The following VAT1L variants were observed in gnomAD, a reference collection of about 807,000 sequenced individuals.
VAT1L encodes the protein vesicle amine transport 1 like, also known as putative NADPH-dependent quinone oxidoreductase VAT1L.
Under a neutral mutation model 44.1 loss-of-function variants are expected in VAT1L, and 34 were observed. That is an observed-to-expected ratio of 0.77 (90% CI 0.59 to 1.03). VAT1L has a LOEUF of 1.03. Ranked by LOEUF, VAT1L falls within the 50% of genes least tolerant of loss-of-function variation. The pLI is 0.00. For synonymous variants in VAT1L, 253 were observed against 202.2 expected, an observed-to-expected ratio of 1.25 and a Z score of -2.13; for missense variants, 615 against 538.8, an observed-to-expected ratio of 1.14 and a Z score of -1.40.
At chr16:77,860,746 G>T (rs567565470) in intron 3 of VAT1L, among the ~76,000 whole-genome samples, 1 of 152,282 alleles carries the variant, frequency 6.6e-6, no homozygotes, top group Non-Finnish European at 1.5e-5. Flanking sequence ...GAAGGCAGGA[G>T]AATTAAACAA....
intron 5 of VAT1L, among the ~76,000 whole-genome samples, chr16:77,877,946 A>T (rs1179310614): frequency 6.6e-6 from 1 of 152,204 alleles, no homozygotes; most frequent in African/African-American, 2.4e-5. Flanking sequence ...CGTTGCAAGG[A>T]TATCGGATAT....
chr16:77,853,872 G>A (rs2016831073), intron 3 of VAT1L, among the ~76,000 whole-genome samples: 1 of 152,118 alleles, frequency 6.6e-6, no homozygotes, highest in South Asian at 2.1e-4. Context: ...CGGGCGCCGT[G>A]ACTCATACCT....
chr16:77,944,111 A>G (rs2017928683), intron 7 of VAT1L, among the ~76,000 whole-genome samples: 1 of 152,114 alleles, frequency 6.6e-6, no homozygotes, highest in African/African-American at 2.4e-5. Context: ...ACAACTGGAA[A>G]AGTATGACTG....
At chr16:77,914,901 G>T (rs566950413) in intron 7 of VAT1L, among the ~76,000 whole-genome samples, 1 of 152,170 alleles carries the variant, frequency 6.6e-6, no homozygotes, top group African/African-American at 2.4e-5. Context: ...TAAGGCAGGC[G>T]GATCACCTGA....
intron 7 of VAT1L, among the ~76,000 whole-genome samples, chr16:77,951,763 G>T (rs1398739963): frequency 1.3e-5 from 2 of 151,622 alleles, no homozygotes; most frequent in African/African-American, 4.8e-5. Context: ...CGGGGTGGCT[G>T]ACAAAGTTCT....
intron 7 of VAT1L, among the ~76,000 whole-genome samples, chr16:77,937,243 C>T (rs1383344230): frequency 1.3e-5 from 2 of 152,132 alleles, no homozygotes; most frequent in Non-Finnish European, 2.9e-5. Flanking sequence ...CAGTTCCCTT[C>T]AGGTTCATCG....
chr16:77,933,875 G>T (rs1485176559), intron 7 of VAT1L, among the ~76,000 whole-genome samples: 1 of 152,232 alleles, frequency 6.6e-6, no homozygotes, highest in Non-Finnish European at 1.5e-5. Context: ...TAAGCAGATG[G>T]TGCATAATCT....
intron 3 of VAT1L, among the ~76,000 whole-genome samples, chr16:77,845,307 C>T (rs941030712): frequency 6.6e-6 from 1 of 152,170 alleles, no homozygotes; most frequent in Non-Finnish European, 1.5e-5. Flanking sequence ...AGGCGCATCC[C>T]TCAGCAGGTG....
intron 3 of VAT1L, among the ~76,000 whole-genome samples, chr16:77,837,877 C>A (rs2016656935): frequency 6.6e-6 from 1 of 152,184 alleles, no homozygotes; most frequent in African/African-American, 2.4e-5. Context: ...TGCTATTATT[C>A]CTATTATATC....
intron 7 of VAT1L, among the ~76,000 whole-genome samples, chr16:77,896,717 C>T (rs1388456733): frequency 6.6e-6 from 1 of 152,244 alleles, no homozygotes; most frequent in Non-Finnish European, 1.5e-5. Flanking sequence ...ACTTCATCTA[C>T]ACCAGGAGAC....
chr16:77,823,073 A>C (rs1383521330), intron 2 of VAT1L, among the ~76,000 whole-genome samples: 1 of 152,046 alleles, frequency 6.6e-6, no homozygotes, highest in South Asian at 2.1e-4. Context: ...CGGACAATCA[A>C]GTCCTCTGGA....
intron 4 of VAT1L, among the ~76,000 whole-genome samples, chr16:77,874,568 G>C (rs2017067550): frequency 6.6e-6 from 1 of 151,938 alleles, no homozygotes; most frequent in South Asian, 2.1e-4. Flanking sequence ...CCTCTGCCTA[G>C]GACACTATTC....
chr16:77,846,633 G>T (rs974583609), intron 3 of VAT1L, among the ~76,000 whole-genome samples: 2 of 152,074 alleles, frequency 1.3e-5, no homozygotes, highest in Non-Finnish European at 2.9e-5. Context: ...TAGAATCAAA[G>T]ATACTTATAC....
chr16:77,789,066 C>A, intron 1 of VAT1L, 151 bp downstream of exon 1: 1 of 991,886 alleles, frequency 1.0e-6, no homozygotes. Context: ...CCTCCCCGGG[C>A]CAAAGCTGGG....
rs77697781 is a variant in VAT1L at position 77,848,270 on chromosome 16, G to T, written c.580-14478G>T. Among the ~76,000 whole-genome samples, 124 of 152,292 alleles carry T rather than the reference G, an allele frequency of 8.1e-4. 3 individuals are homozygous for T. In the East Asian group the frequency reaches 0.019, roughly 23 times the overall value. On this transcript the variant is annotated intron_variant, in intron 3 of 8. Coordinates refer to ENST00000302536, the MANE Select transcript of VAT1L (RefSeq NM_020927.3). ...TTAGTGCTCCATTTCCACCTCATTAGTTTTCATCCTGGAAATATTATAGGA... is the reference window on the plus strand; with the variant it reads ...TTAGTGCTCCATTTCCACCTCATTATTTTTCATCCTGGAAATATTATAGGA...
At chr16:77,892,814 G>C (rs548557283) in intron 7 of VAT1L, 166 of 820,768 alleles carry the variant, frequency 2.0e-4, no homozygotes, top group Middle Eastern at 8.9e-4. Flanking sequence ...CTTTGACAAG[G>C]TGAAAGAAGG....
intron 7 of VAT1L, among the ~76,000 whole-genome samples, chr16:77,912,665 C>T (rs906191387): frequency 1.3e-5 from 2 of 152,192 alleles, no homozygotes; most frequent in Non-Finnish European, 2.9e-5. Context: ...TGCTATTTCT[C>T]CTATTGTAAA....
At chr16:77,916,589 A>G (rs1162061321) in intron 7 of VAT1L, among the ~76,000 whole-genome samples, 1 of 152,170 alleles carries the variant, frequency 6.6e-6, no homozygotes, top group Non-Finnish European at 1.5e-5. Context: ...CAGGCTTGCA[A>G]CATTGTGCTT....
At chr16:77,877,241 TG>T (rs1349128707) in intron 5 of VAT1L, among the ~76,000 whole-genome samples, 3 of 152,148 alleles carry the variant, frequency 2.0e-5, no homozygotes, top group African/African-American at 7.2e-5. Flanking sequence ...CCGGGCGCAG[TG>T]GCTCACGCCT....
Sources: allele counts gnomAD v4.1 joint callset (sites outside exome capture counted in the v4.1 genomes callset), GRCh38; gene constraint gnomAD v4.1.1; transcripts MANE v1.5; gene names NCBI Gene and HGNC (gene_info 2026-07-23, HGNC 2026-07-21).